The following ANKS1B variants were observed in gnomAD, a reference collection of about 807,000 sequenced individuals.
ANKS1B encodes ankyrin repeat and sterile alpha motif domain-containing protein 1B.
In ANKS1B, 36 loss-of-function variants were observed where a neutral mutation model predicts 148.3. That is an observed-to-expected ratio of 0.24 (90% CI 0.19 to 0.32). ANKS1B has a LOEUF of 0.32. Among genes scored for constraint, ANKS1B ranks in the 10% least tolerant of loss-of-function variants. The pLI, the probability that ANKS1B is intolerant of heterozygous loss-of-function variation, is 1.00. For synonymous variants in ANKS1B, 542 were observed against 560.8 expected (o/e 0.97, Z 0.47); for missense variants, 1,157 against 1,542.6 (o/e 0.75, Z 4.19).
In ANKS1B at chr12:99,632,750, TATATA is replaced by T. The variant is rs1392902401; in HGVS notation, c.1272+22312_1272+22316del. Among the ~76,000 whole-genome samples the T allele has an allele frequency of 1.5e-4, 17 of 112,432 alleles. 1 individual carries two copies. The highest frequency in any genetic ancestry group is 5.1e-4 in the African/African-American group (16 of 31,534). The allele number at this position is 112,432 out of a possible 152,430, so 73.8% of individuals were successfully genotyped here. On this transcript the variant is annotated intron_variant, in intron 9 of 26. Coordinates refer to ENST00000683438, the MANE Select transcript of ANKS1B (RefSeq NM_001352186.2). ...TTCTATATATATATATATATATATA[TATATA>T]TATATATATATATTTTAATTATACT...
At chr12:99,621,583 T>C (rs2098051448) in intron 9 of ANKS1B, among the ~76,000 whole-genome samples, 1 of 147,770 alleles carries the variant, frequency 6.8e-6, no homozygotes, top group East Asian at 2.0e-4. Context: ...AAACAGAAAA[T>C]GAAAAAGAGC....
chr12:99,723,958 A>G (rs973919286), intron 8 of ANKS1B, among the ~76,000 whole-genome samples: 4 of 120,334 alleles, frequency 3.3e-5, no homozygotes, highest in African/African-American at 1.3e-4. Flanking sequence ...CAACAACAGC[A>G]TCAGCAAAAA....
At chr12:99,837,642 C>G (rs931450203) in intron 1 of ANKS1B, among the ~76,000 whole-genome samples, 1 of 152,154 alleles carries the variant, frequency 6.6e-6, no homozygotes, top group African/African-American at 2.4e-5. Context: ...AGTAATTTAT[C>G]AAAGATCACA....
At chr12:99,308,404 T>A (rs1322387671) in intron 12 of ANKS1B, among the ~76,000 whole-genome samples, 1 of 152,058 alleles carries the variant, frequency 6.6e-6, no homozygotes, top group Non-Finnish European at 1.5e-5. Flanking sequence ...TAATATTTGA[T>A]TACACGAATA....
Position 98,952,714 on chromosome 12 carries a change from T to G in ANKS1B, c.2778+100443A>C, listed in dbSNP as rs546203156. Among the ~76,000 whole-genome samples the G allele has an allele frequency of 2.6e-5, 4 of 152,326 alleles. No homozygotes were observed. The South Asian group carries it at 8.3e-4, about 32-fold the overall frequency. On this transcript the variant is annotated intron_variant, in intron 17 of 26. Transcript: ENST00000683438. ...TTGTGGTTTACCAGAAGTTTCCACT[T>G]AGAATTCTGCCATCACTTCAAAATC...
chr12:98,758,988 C>T (rs754233341), intron 25 of ANKS1B, among the ~76,000 whole-genome samples: 27 of 150,172 alleles, frequency 1.8e-4, no homozygotes, highest in Non-Finnish European at 1.2e-4. Context: ...ACTGTGTTGG[C>T]CAGGCTGGTC....
intron 9 of ANKS1B, among the ~76,000 whole-genome samples, chr12:99,565,604 C>T (rs2097382229): frequency 6.6e-6 from 1 of 152,168 alleles, no homozygotes; most frequent in Non-Finnish European, 1.5e-5. Flanking sequence ...AAGGCTCCAT[C>T]CTTCTTGGTT....
At chr12:99,046,817 G>GA (rs1166635437) in intron 17 of ANKS1B, among the ~76,000 whole-genome samples, 900 of 20,080 alleles carry the variant, frequency 0.045, 13 homozygotes, top group African/African-American at 0.081. Context: ...TAAAAAAAAA[G>GA]AAAAAAAAAA....
intron 1 of ANKS1B, among the ~76,000 whole-genome samples, chr12:99,958,840 T>C (rs2095362132): frequency 1.3e-5 from 2 of 152,170 alleles, no homozygotes; most frequent in South Asian, 4.1e-4. Flanking sequence ...GTTTAAATGA[T>C]GCACCATAGT....
At chr12:99,042,282 G>A (rs868762254) in intron 17 of ANKS1B, among the ~76,000 whole-genome samples, 3 of 152,144 alleles carry the variant, frequency 2.0e-5, no homozygotes, top group Non-Finnish European at 4.4e-5. Context: ...GTAAAAAAGC[G>A]CTTGCTCATT....
intron 17 of ANKS1B, among the ~76,000 whole-genome samples, chr12:98,993,142 G>A (rs913911691): frequency 5.3e-5 from 8 of 152,064 alleles, no homozygotes; most frequent in Non-Finnish European, 1.2e-4. Context: ...TTTCTTCATA[G>A]TTGATTCTTT....
chr12:99,436,143 T>C (rs2095457123), intron 11 of ANKS1B, among the ~76,000 whole-genome samples: 3 of 152,038 alleles, frequency 2.0e-5, no homozygotes, highest in African/African-American at 2.4e-5. Context: ...GCCATCTATG[T>C]TTCTGTTCTT....
chr12:99,582,347 T>A lies in ANKS1B; in HGVS notation c.1272+72720A>T, dbSNP rs182986082. ...ATGTAATCCCACATCTAGGTATTTT[T>A]TAAAAAAAAAAGACAGAGATGAAAA... On this transcript the variant is annotated intron_variant, in intron 9 of 26. Coordinates refer to ENST00000683438, the MANE Select transcript of ANKS1B (RefSeq NM_001352186.2). Among the ~76,000 whole-genome samples, 807 of 151,114 alleles carry A rather than the reference T, an allele frequency of 5.3e-3. 10 individuals carry two copies. The highest frequency in any genetic ancestry group is 0.018 in the African/African-American group (746 of 41,100).
intron 14 of ANKS1B, among the ~76,000 whole-genome samples, chr12:99,181,629 A>G (rs2079122429): frequency 6.6e-6 from 1 of 152,074 alleles, no homozygotes. Context: ...TTTTTTCAAG[A>G]GAAAGTTTTA....
chr12:99,836,355 A>G (rs1398301983), intron 1 of ANKS1B, among the ~76,000 whole-genome samples: 2 of 152,152 alleles, frequency 1.3e-5, no homozygotes, highest in East Asian at 3.8e-4. Context: ...GATCTAGTAT[A>G]CAGTCATATC....
At position 99,216,514 on chromosome 12, in the gene ANKS1B, ATTTTC is replaced by A. The variant is rs778145067; in HGVS notation, c.2419+27823_2419+27827del. Among the ~76,000 whole-genome samples the A allele has an allele frequency of 1.4e-3, 213 of 152,182 alleles. 1 individual carries two copies. Among genetic ancestry groups the A allele is most frequent in the Non-Finnish European group, 2.3e-3 (155 of 68,000 alleles). On this transcript the variant is annotated intron_variant, in intron 14 of 26. Coordinates refer to ENST00000683438, the MANE Select transcript of ANKS1B (RefSeq NM_001352186.2). ...ATTTCTTTTTTTAAAAAAATCTATA[ATTTTC>A]TTTTCTAGTTGATTTTGAAGCTTCA...
At chr12:98,812,853 A>G (rs1264648795) in intron 19 of ANKS1B, among the ~76,000 whole-genome samples, 2 of 152,112 alleles carry the variant, frequency 1.3e-5, no homozygotes, top group East Asian at 3.9e-4. Context: ...CTGGGATGAA[A>G]ATTATTTTTT....
intron 16 of ANKS1B, chr12:99,079,651 T>G (rs1167202830): frequency 5.3e-5 from 8 of 152,182 alleles, no homozygotes; most frequent in Admixed American, 4.6e-4. Context: ...ACAGCAGAGA[T>G]GCAGAGAGTA....
rs901063107 is a variant in ANKS1B at position 99,648,052 on chromosome 12, A to G, written c.1272+7015T>C. 44 of 1,371,130 alleles carry G rather than the reference A, an allele frequency of 3.2e-5. No homozygotes were observed. The East Asian group carries it at 1.0e-3, about 32-fold the overall frequency. The allele number at this position is 1,371,130 out of a possible 1,614,324, so 84.9% of individuals were successfully genotyped here. Reference sequence around the variant, plus strand: ...CTCAGTCACTTGGGGACAAAAAAGAAAGCCTGCAGAACACGACTGCTGGCC... The same window carrying G: ...CTCAGTCACTTGGGGACAAAAAAGAGAGCCTGCAGAACACGACTGCTGGCC... On this transcript the variant is annotated intron_variant, in intron 9 of 26. Coordinates refer to ENST00000683438, the MANE Select transcript of ANKS1B (RefSeq NM_001352186.2).
Sources: allele counts gnomAD v4.1 joint callset (sites outside exome capture counted in the v4.1 genomes callset), GRCh38; gene constraint gnomAD v4.1.1; transcripts MANE v1.5; gene names NCBI Gene and HGNC (gene_info 2026-07-23, HGNC 2026-07-21).